The following KSR2 variants were observed in gnomAD, a reference collection of about 807,000 sequenced individuals.
KSR2 encodes the protein kinase suppressor of ras 2.
In KSR2, 25 loss-of-function variants were observed where a neutral mutation model predicts 107.8. The ratio of observed to expected loss-of-function variants is 0.23; its 90% CI spans 0.17 to 0.32. The LOEUF (loss-of-function observed/expected upper bound fraction) is 0.32, where lower values mean the gene tolerates loss of function less well. Among genes scored for constraint, KSR2 ranks in the 10% least tolerant of loss-of-function variants. The pLI, the probability that KSR2 is intolerant of heterozygous loss-of-function variation, is 1.00. For missense variants in KSR2, 887 were observed against 1,268.9 expected (o/e 0.70, Z 4.57); for synonymous variants, 480 against 507.0 (o/e 0.95, Z 0.71).
At chr12:117,548,887 T>A (rs1009956462) in intron 9 of KSR2, among the ~76,000 whole-genome samples, 2 of 152,190 alleles carry the variant, frequency 1.3e-5, no homozygotes, top group African/African-American at 4.8e-5. Flanking sequence ...CCATGGACAA[T>A]TAACATTCCC....
chr12:117,794,329 C>T (rs1306668156), intron 3 of KSR2, among the ~76,000 whole-genome samples: 7 of 107,342 alleles, frequency 6.5e-5, no homozygotes, highest in Non-Finnish European at 1.3e-4. Flanking sequence ...GCACTCACAC[C>T]AACATGCACA....
chr12:117,636,458 T>TA (rs149714557), intron 5 of KSR2, among the ~76,000 whole-genome samples: 25,056 of 151,390 alleles, frequency 0.17, 2,149 homozygotes, highest in Middle Eastern at 0.24. Flanking sequence ...AAAACTGAAA[T>TA]AACAAACCAG....
chr12:117,545,755 GT>G (rs1434662144), intron 9 of KSR2, among the ~76,000 whole-genome samples: 2 of 151,982 alleles, frequency 1.3e-5, no homozygotes, highest in African/African-American at 4.8e-5. Flanking sequence ...ATTTTTTGGA[GT>G]TTCATCTTGA....
chr12:117,840,105 A>AT (rs71099081), intron 3 of KSR2, among the ~76,000 whole-genome samples: 38,552 of 146,972 alleles, frequency 0.26, 5,757 homozygotes, highest in Middle Eastern at 0.42. Context: ...ATTTTATTTT[A>AT]TTTTTTTTTT....
intron 5 of KSR2, 53 bp from the exon 6 acceptor site, chr12:117,582,412 G>A: frequency 7.2e-7 from 1 of 1,387,024 alleles, no homozygotes; most frequent in African/African-American, 1.4e-5. Context: ...ACTGGGGTGG[G>A]CTCTGGCAAG....
intron 5 of KSR2, among the ~76,000 whole-genome samples, chr12:117,593,283 C>T (rs1343732820): frequency 6.6e-6 from 1 of 152,264 alleles, no homozygotes; most frequent in African/African-American, 2.4e-5. Context: ...ACAAATGTCC[C>T]TGCGAAGGGA....
intron 16 of KSR2, among the ~76,000 whole-genome samples, chr12:117,477,256 A>G (rs1219607185): frequency 6.6e-6 from 1 of 152,256 alleles, no homozygotes; most frequent in African/African-American, 2.4e-5. Context: ...CTAAGCTGGA[A>G]ACATGTGCAT....
chr12:117,874,676 T>C (rs759346746), intron 1 of KSR2, among the ~76,000 whole-genome samples: 2 of 152,194 alleles, frequency 1.3e-5, no homozygotes, highest in Non-Finnish European at 2.9e-5. Flanking sequence ...CTCTTCACGA[T>C]TCTCTGCTGA....
intron 4 of KSR2, among the ~76,000 whole-genome samples, chr12:117,698,569 G>A (rs1886165689): frequency 6.6e-6 from 1 of 151,884 alleles, no homozygotes; most frequent in Non-Finnish European, 1.5e-5. Flanking sequence ...CAAGCCATCT[G>A]CTCAACTCAG....
chr12:117,779,479 C>T (rs1228177469), intron 3 of KSR2, among the ~76,000 whole-genome samples: 3 of 152,108 alleles, frequency 2.0e-5, no homozygotes, highest in Non-Finnish European at 4.4e-5. Context: ...ACATGAAAAA[C>T]CAAGCAAGCA....
At chr12:117,758,329 G>A (rs1888870018) in intron 4 of KSR2, among the ~76,000 whole-genome samples, 1 of 152,130 alleles carries the variant, frequency 6.6e-6, no homozygotes, top group South Asian at 2.1e-4. Context: ...CATTATTCAG[G>A]TTGCTGTTAT....
At chr12:117,516,227 T>A (rs1226064152) in intron 14 of KSR2, among the ~76,000 whole-genome samples, 1 of 152,172 alleles carries the variant, frequency 6.6e-6, no homozygotes, top group East Asian at 1.9e-4. Context: ...AGATGACTCA[T>A]ACATGGTTAT....
At chr12:117,578,882 G>A (rs1224549951) in intron 7 of KSR2, among the ~76,000 whole-genome samples, 1 of 152,208 alleles carries the variant, frequency 6.6e-6, no homozygotes, top group African/African-American at 2.4e-5. Flanking sequence ...CTGTGCCTCA[G>A]CACACAGCAT....
chr12:117,514,540 CTCTCT>C (rs1353143451), intron 14 of KSR2, among the ~76,000 whole-genome samples: 3 of 146,420 alleles, frequency 2.0e-5, no homozygotes, highest in African/African-American at 5.2e-5. Context: ...CTCTCTCTCT[CTCTCT>C]TTTTTTTTTT....
chr12:117,880,177 A>T (rs1038886665), intron 1 of KSR2, among the ~76,000 whole-genome samples: 1 of 152,224 alleles, frequency 6.6e-6, no homozygotes, highest in South Asian at 2.1e-4. Flanking sequence ...AAAAAGATTT[A>T]TATGAATAGA....
chr12:117,453,900 T>G lies in KSR2; in HGVS notation c.*13299A>C, dbSNP rs1287522579. ...TGTTTCTATGAGGGCCTTGGTGGGG[T>G]GGGGGCTGGTCTTGCCAGAGACTCT... On this transcript the variant is annotated 3_prime_UTR_variant, in exon 20 of 20. Transcript: ENST00000339824. The G allele has an allele frequency of 2.7e-5, 4 of 150,928 alleles. No homozygotes were observed. Among genetic ancestry groups the G allele is most frequent in the Non-Finnish European group, 4.4e-5 (3 of 67,792 alleles). 9.3% of individuals were successfully genotyped at this position (150,928 alleles called of 1,614,324 possible). A position where few individuals can be genotyped will look rare whatever the true frequency, so the allele number is the denominator to read the frequency against.
chr12:117,848,147 T>G (rs1188258825), intron 3 of KSR2, among the ~76,000 whole-genome samples: 1 of 152,144 alleles, frequency 6.6e-6, no homozygotes, highest in African/African-American at 2.4e-5. Flanking sequence ...CCACAAATTA[T>G]GAGGCTGAAA....
At chr12:117,880,148 A>G (rs912638558) in intron 1 of KSR2, among the ~76,000 whole-genome samples, 7 of 152,222 alleles carry the variant, frequency 4.6e-5, no homozygotes, top group Non-Finnish European at 8.8e-5. Flanking sequence ...TTCCATCTCA[A>G]AAAACAAACA....
At chr12:117,720,720 C>G (rs1048828120) in intron 4 of KSR2, among the ~76,000 whole-genome samples, 1 of 152,160 alleles carries the variant, frequency 6.6e-6, no homozygotes, top group African/African-American at 2.4e-5. Context: ...AAAGAAAGAA[C>G]AGGTCCCTAT....
Sources: allele counts gnomAD v4.1 joint callset (sites outside exome capture counted in the v4.1 genomes callset), GRCh38; gene constraint gnomAD v4.1.1; transcripts MANE v1.5; gene names NCBI Gene and HGNC (gene_info 2026-07-23, HGNC 2026-07-21).